INPP4B: variants seen among roughly 807,000 people sequenced by gnomAD.
INPP4B encodes inositol polyphosphate 4-phosphatase type II.
Under a neutral mutation model 122.5 loss-of-function variants are expected in INPP4B, and 55 were observed. That is an observed-to-expected ratio of 0.45 (90% CI 0.36 to 0.56). The LOEUF is 0.56. INPP4B is among the 20% of genes least tolerant of loss of function. INPP4B has a pLI of 0.00. For missense variants in INPP4B, 1,000 were observed against 1,097.7 expected (o/e 0.91, Z 1.26); for synonymous variants, 403 against 388.7 (o/e 1.04, Z -0.43).
At chr4:142,181,214 G>T (rs1350637049) in intron 15 of INPP4B, among the ~76,000 whole-genome samples, 3 of 152,140 alleles carry the variant, frequency 2.0e-5, no homozygotes, top group Admixed American at 2.0e-4. Context: ...TAACCACTCT[G>T]CATTGAAGTT....
At chr4:142,720,801 CTCTCTCTCTATATATATATATA>C (rs1764509330) in intron 2 of INPP4B, among the ~76,000 whole-genome samples, 1 of 22,380 alleles carries the variant, frequency 4.5e-5, no homozygotes. Context: ...CTCTCTCTCT[CTCTCTCTCTATATATATATATA>C]TATATAGTTT....
chr4:142,054,781 C>G (rs887075600), intron 25 of INPP4B, among the ~76,000 whole-genome samples: 1 of 152,016 alleles, frequency 6.6e-6, no homozygotes, highest in African/African-American at 2.4e-5. Flanking sequence ...TGTTGGGCAT[C>G]GAGTATTTGG....
rs1736396287 is a variant in INPP4B, at chr4:142,024,429, G to A, written c.*4353C>T. The A allele has an allele frequency of 6.6e-6, 1 of 152,116 alleles. No homozygotes were observed. Among genetic ancestry groups the A allele is most frequent in the African/African-American group, 2.4e-5 (1 of 41,412 alleles). 9.4% of individuals were successfully genotyped at this position (152,116 alleles called of 1,614,324 possible). On this transcript the variant is annotated 3_prime_UTR_variant, in exon 26 of 26. Coordinates refer to ENST00000262992, the MANE Select transcript of INPP4B (RefSeq NM_001101669.3). ...TCGTGCATAATTTTTAAGGCCTCCA[G>A]CTACTATGATGCCTTGTGTTCAATA...
intron 9 of INPP4B, among the ~76,000 whole-genome samples, chr4:142,281,085 T>C (rs905826834): frequency 6.6e-6 from 1 of 150,594 alleles, no homozygotes; most frequent in Non-Finnish European, 1.5e-5. Context: ...TCCTGAGACT[T>C]TTTGTTAAGT....
intron 9 of INPP4B, chr4:142,287,770 C>A (rs1754462098): frequency 2.6e-5 from 4 of 152,198 alleles, no homozygotes; most frequent in Non-Finnish European, 1.5e-5. Flanking sequence ...ATTCCACAAA[C>A]TCTATTAGAA....
rs190462210 is a variant in INPP4B at position 142,759,035 on chromosome 4, G to A, written c.-253-33134C>T. Among the ~76,000 whole-genome samples the A allele has an allele frequency of 2.4e-3, 367 of 151,714 alleles. 1 individual carries two copies. Among genetic ancestry groups the A allele is most frequent in the African/African-American group, 8.4e-3 (349 of 41,412 alleles). On this transcript the variant is annotated intron_variant, in intron 1 of 25. Coordinates refer to ENST00000262992, the MANE Select transcript of INPP4B (RefSeq NM_001101669.3). The stretch of plus-strand genomic sequence containing the variant: ...CTAATACAAAGTGAACAACTACTAT[G>A]TGACTGTCTCTTTATGCATGCTATT...
intron 1 of INPP4B, among the ~76,000 whole-genome samples, chr4:142,765,683 G>A (rs904925756): frequency 2.0e-5 from 3 of 152,252 alleles, no homozygotes; most frequent in Admixed American, 6.5e-5. Flanking sequence ...TTCTAAGGGA[G>A]ATATCGGTTA....
intron 2 of INPP4B, among the ~76,000 whole-genome samples, chr4:142,529,393 C>A (rs1484411145): frequency 6.6e-6 from 1 of 151,958 alleles, no homozygotes; most frequent in Non-Finnish European, 1.5e-5. Context: ...CAAATTGCAA[C>A]TGTTTGAATG....
At chr4:142,810,440 T>C (rs1779370297) in intron 1 of INPP4B, among the ~76,000 whole-genome samples, 1 of 152,208 alleles carries the variant, frequency 6.6e-6, no homozygotes, top group Non-Finnish European at 1.5e-5. Flanking sequence ...TTACCCATAA[T>C]CCTGAACTAC....
chr4:142,634,320 C>G (rs974488646), intron 2 of INPP4B, among the ~76,000 whole-genome samples: 1 of 152,104 alleles, frequency 6.6e-6, no homozygotes, highest in Non-Finnish European at 1.5e-5. Context: ...AAAATGCTTG[C>G]TAATTCATTT....
intron 24 of INPP4B, among the ~76,000 whole-genome samples, chr4:142,083,902 T>C (rs1387607215): frequency 1.3e-5 from 2 of 152,156 alleles, no homozygotes; most frequent in Non-Finnish European, 2.9e-5. Flanking sequence ...TAAAATTTAT[T>C]GTTACTATCA....
intron 2 of INPP4B, among the ~76,000 whole-genome samples, chr4:142,712,091 G>A (rs1360167591): frequency 6.6e-6 from 1 of 152,092 alleles, no homozygotes; most frequent in East Asian, 1.9e-4. Context: ...CAAAAGAGAT[G>A]CTCATCACTT....
At chr4:142,738,040 A>G (rs1580806932) in intron 1 of INPP4B, among the ~76,000 whole-genome samples, 1 of 152,208 alleles carries the variant, frequency 6.6e-6, no homozygotes, top group Admixed American at 6.5e-5. Context: ...CCATTGTGGA[A>G]GTCAGTGTGG....
At chr4:142,144,404 A>G (rs1007088752) in intron 18 of INPP4B, among the ~76,000 whole-genome samples, 1 of 152,012 alleles carries the variant, frequency 6.6e-6, no homozygotes, top group Non-Finnish European at 1.5e-5. Context: ...AAATCTATCA[A>G]TGGACATAGT....
chr4:142,650,048 T>C (rs1439126556), intron 2 of INPP4B, among the ~76,000 whole-genome samples: 1 of 151,894 alleles, frequency 6.6e-6, no homozygotes, highest in South Asian at 2.1e-4. Context: ...CAGAATAGAG[T>C]GGGGGCTAAT....
At chr4:142,807,936 T>C (rs1458253780) in intron 1 of INPP4B, among the ~76,000 whole-genome samples, 1 of 152,206 alleles carries the variant, frequency 6.6e-6, no homozygotes, top group East Asian at 1.9e-4. Flanking sequence ...TGACTATGCA[T>C]GGGTTGCACA....
chr4:142,451,253 T>G (rs1011932151), intron 3 of INPP4B, among the ~76,000 whole-genome samples: 93 of 143,148 alleles, frequency 6.5e-4, no homozygotes, highest in African/African-American at 2.4e-3. Context: ...GTTGTTTTTT[T>G]TTTTTTTTTT....
chr4:142,638,781 C>T (rs1297046125), intron 2 of INPP4B, among the ~76,000 whole-genome samples: 1 of 151,994 alleles, frequency 6.6e-6, no homozygotes, highest in Non-Finnish European at 1.5e-5. Flanking sequence ...CTCCTGACCT[C>T]GTGATCCACC....
intron 11 of INPP4B, among the ~76,000 whole-genome samples, chr4:142,245,508 T>A (rs968243554): frequency 1.6e-4 from 24 of 152,132 alleles, no homozygotes; most frequent in Admixed American, 6.6e-5. Context: ...TTGAGGATTT[T>A]CGCATCGATG....
Sources: allele counts gnomAD v4.1 joint callset (sites outside exome capture counted in the v4.1 genomes callset), GRCh38; gene constraint gnomAD v4.1.1; transcripts MANE v1.5; gene names NCBI Gene and HGNC (gene_info 2026-07-23, HGNC 2026-07-21).